The following DPP6 variants were observed in gnomAD, a reference collection of about 807,000 sequenced individuals.
The protein encoded by DPP6 is dipeptidyl peptidase like 6, also known as A-type potassium channel modulatory protein DPP6.
In DPP6, 69 loss-of-function variants were observed where a neutral mutation model predicts 122.6. The ratio of observed to expected loss-of-function variants is 0.56; its 90% CI spans 0.46 to 0.69. The LOEUF (loss-of-function observed/expected upper bound fraction) is 0.69, where lower values mean the gene tolerates loss of function less well. DPP6 is among the 30% of genes least tolerant of loss of function. The pLI is 0.00. For synonymous variants in DPP6, 418 were observed against 433.1 expected, an observed-to-expected ratio of 0.97 and a Z score of 0.43; for missense variants, 928 against 1,116.9, an observed-to-expected ratio of 0.83 and a Z score of 2.41.
At position 154,115,685 on chromosome 7, in the gene DPP6, C is replaced by G. The variant is rs561414370; in HGVS notation, c.243+62622C>G. Among the ~76,000 whole-genome samples, 14 of 152,230 alleles carry G rather than the reference C, an allele frequency of 9.2e-5. No individual in the cohort carries two copies. In the South Asian group the frequency reaches 2.7e-3, roughly 29 times the overall value. On this transcript the variant is annotated intron_variant, in intron 1 of 25. Transcript: ENST00000377770. ...CCATTGTAGTGGGAAGAGCTCTGCT[C>G]TTAGAGTGTTATACAGCCTATAGGG... is the stretch of plus-strand genomic sequence containing the variant.
At chr7:154,006,226 A>G (rs1322276028) in intron 1 of DPP6, among the ~76,000 whole-genome samples, 2 of 152,108 alleles carry the variant, frequency 1.3e-5, no homozygotes, top group African/African-American at 4.8e-5. Flanking sequence ...ACAGTAACCA[A>G]CAGTGGGCTC....
At chr7:154,255,290 A>AG (rs1802587608) in intron 1 of DPP6, among the ~76,000 whole-genome samples, 1 of 152,208 alleles carries the variant, frequency 6.6e-6, no homozygotes, top group Non-Finnish European at 1.5e-5. Context: ...CCACTTTCCT[A>AG]GGGGCAGTGT....
At position 154,879,557 on chromosome 7, in the gene DPP6, C is replaced by T. The variant is rs1307385418; in HGVS notation, c.2079-1331C>T. On this transcript the variant is annotated intron_variant, in intron 20 of 25. Transcript: ENST00000377770. ...AGTGAGCCGAGATTGTGCCACTGCA[C>T]TCCAGCCTGGGCGACAGCGAGACTC... Among the ~76,000 whole-genome samples, 3 of 89,484 alleles carry T rather than the reference C, an allele frequency of 3.4e-5. 1 individual carries two copies. The highest frequency in any genetic ancestry group is 5.9e-5 in the Non-Finnish European group (3 of 50,742). 58.7% of individuals were successfully genotyped at this position (89,484 alleles called of 152,430 possible).
chr7:154,729,064 T>G (rs904751685), intron 8 of DPP6, among the ~76,000 whole-genome samples: 5 of 152,172 alleles, frequency 3.3e-5, no homozygotes, highest in Admixed American at 6.5e-5. Flanking sequence ...GTTAAATAAT[T>G]GGCCCAAGTT....
At chr7:153,948,333 T>C (rs561230922) in intron 1 of DPP6, among the ~76,000 whole-genome samples, 2 of 152,334 alleles carry the variant, frequency 1.3e-5, no homozygotes, top group South Asian at 4.1e-4. Flanking sequence ...TGAAGCATTG[T>C]TATGTACGGG....
intron 1 of DPP6, chr7:154,058,967 C>CTT (rs1801237164): frequency 7.7e-6 from 1 of 129,402 alleles, no homozygotes; most frequent in African/African-American, 3.1e-5. Context: ...CACCCCCCCG[C>CTT]GAGGCAGGGA....
intron 1 of DPP6, among the ~76,000 whole-genome samples, chr7:154,004,111 A>G (rs1342924454): frequency 2.0e-5 from 3 of 152,250 alleles, no homozygotes; most frequent in African/African-American, 7.2e-5. Context: ...TAGCTGTAGT[A>G]GAAGCATGAG....
chr7:154,401,680 G>C (rs562682326), intron 1 of DPP6, among the ~76,000 whole-genome samples: 12 of 152,314 alleles, frequency 7.9e-5, no homozygotes, highest in African/African-American at 2.9e-4. Context: ...TCAGGACATA[G>C]GCATGGGCAA....
rs567230773 is a variant in DPP6, at chr7:154,474,921, C to T, written c.359-18C>T. ...ATTATGAAACAAGCTTAACTCTTTG[C>T]TTTTTATTTTTTTCTAGCGGAAGAT... On this transcript the variant is annotated intron_variant, in intron 2 of 25. Coordinates refer to ENST00000377770, the MANE Select transcript of DPP6 (RefSeq NM_130797.4). 6.3e-7 allele frequency: 1 copy of T among 1,590,940 alleles called. No homozygotes were observed. Among genetic ancestry groups the T allele is most frequent in the South Asian group, 1.1e-5 (1 of 90,402 alleles).
the DPP6 span, among the ~76,000 whole-genome samples, chr7:153,816,953 A>C: frequency 2.3e-3 from 344 of 151,974 alleles, 1 homozygote; most frequent in East Asian, 0.01. Context: ...GAGAGAAAGA[A>C]CTAGTCAACA....
At chr7:153,976,729 A>T (rs2129036002) in intron 1 of DPP6, among the ~76,000 whole-genome samples, 1 of 152,354 alleles carries the variant, frequency 6.6e-6, no homozygotes, top group Middle Eastern at 3.4e-3. Flanking sequence ...AGCATTAAGG[A>T]ACATCTGACA....
intron 1 of DPP6, chr7:154,094,230 G>C (rs1445343774): frequency 2.6e-5 from 4 of 152,148 alleles, no homozygotes; most frequent in Admixed American, 2.6e-4. Flanking sequence ...GGGATGCTTT[G>C]CGATACAAAT....
chr7:154,470,577 G>A (rs1219956355), intron 2 of DPP6, among the ~76,000 whole-genome samples: 1 of 152,148 alleles, frequency 6.6e-6, no homozygotes, highest in African/African-American at 2.4e-5. Context: ...GGTTCTCCAG[G>A]AATTTTACTA....
the DPP6 span, among the ~76,000 whole-genome samples, chr7:153,824,625 A>G: frequency 3.9e-4 from 60 of 152,038 alleles, no homozygotes; most frequent in African/African-American, 1.4e-3. Flanking sequence ...CAGATGTTGC[A>G]GTGAGCTGAG....
At chr7:154,442,731 A>G (rs1388541513) in intron 1 of DPP6, among the ~76,000 whole-genome samples, 1 of 152,122 alleles carries the variant, frequency 6.6e-6, no homozygotes, top group Non-Finnish European at 1.5e-5. Context: ...GGATACATAA[A>G]TATATCCCGA....
At chr7:154,270,257 C>T (rs1376711545) in intron 1 of DPP6, among the ~76,000 whole-genome samples, 6 of 152,000 alleles carry the variant, frequency 3.9e-5, no homozygotes, top group Non-Finnish European at 7.4e-5. Context: ...CAGCATGTGC[C>T]GTAATTGTTA....
chr7:153,955,015 C>T (rs931394661), intron 1 of DPP6, among the ~76,000 whole-genome samples: 2 of 152,114 alleles, frequency 1.3e-5, no homozygotes, highest in African/African-American at 4.8e-5. Flanking sequence ...AGCATTGGGG[C>T]AAATTGATAT....
At chr7:154,117,454 T>TGTCTGTCTTTTAGGGGGAAG (rs2150598079) in intron 1 of DPP6, among the ~76,000 whole-genome samples, 2 of 152,326 alleles carry the variant, frequency 1.3e-5, no homozygotes, top group South Asian at 4.1e-4. Context: ...ACCCACGTTT[T>TGTCTGTCTTTTAGGGGGAAG]GGACTAGAGT....
upstream of DPP6, among the ~76,000 whole-genome samples, chr7:154,051,382 G>A (rs191240662): frequency 7.4e-5 from 11 of 149,004 alleles, no homozygotes; most frequent in Middle Eastern, 6.8e-3. Flanking sequence ...CGAGAGAGAC[G>A]CGTGCCCAGC....
Sources: gnomAD v4.1 joint callset for allele counts (sites outside exome capture counted in the v4.1 genomes callset) on GRCh38, gnomAD v4.1.1 for gene constraint, MANE v1.5 for transcripts, NCBI Gene and HGNC (gene_info 2026-07-23, HGNC 2026-07-21) for gene names.